Variants in IRX2 observed in about 807,000 individuals in gnomAD.
The protein encoded by IRX2 is iroquois-class homeodomain protein IRX-2.
A neutral mutation model predicts 42.9 loss-of-function variants in IRX2; 26 were observed. That is an observed-to-expected ratio of 0.61 (90% CI 0.44 to 0.84). IRX2 has a LOEUF of 0.84. Ranked by LOEUF, IRX2 falls within the 40% of genes least tolerant of loss-of-function variation. The pLI is 0.00. For synonymous variants in IRX2, 424 were observed against 353.9 expected (o/e 1.20, Z -2.22); for missense variants, 782 against 713.9 (o/e 1.10, Z -1.09).
rs1478422087 is a variant in IRX2, at chr5:2,748,618, C to A, written c.1090G>T (p.Gly364Trp). The A allele has an allele frequency of 1.3e-6, 2 of 1,503,918 alleles. No individual in the cohort carries two copies. Among genetic ancestry groups the A allele is most frequent in the Non-Finnish European group, 8.8e-7 (1 of 1,131,088 alleles). 93.2% of individuals were successfully genotyped at this position (1,503,918 alleles called of 1,614,324 possible). A position where few individuals can be genotyped will look rare whatever the true frequency, so the allele number is the denominator to read the frequency against. Residue 364 changes from glycine (G) to tryptophan (W), a missense_variant, in exon 3 of 4, where the codon GGG (glycine) becomes TGG (tryptophan). Transcript: ENST00000302057. Reference protein sequence around the residue: ...LPAAAAPASTGAPPGGSPYPA... With the variant: ...LPAAAAPASTWAPPGGSPYPA... ...TAGGGCGAGCCTCCTGGCGGTGCCC[C>A]GGTTGAGGCCGGCGCGGCGGCCGCG... is the stretch of plus-strand genomic sequence containing the variant.
chr5:2,743,323 CTT>C (rs1201342230), downstream of IRX2, among the ~76,000 whole-genome samples: 1 of 152,192 alleles, frequency 6.6e-6, no homozygotes, highest in African/African-American at 2.4e-5. Flanking sequence ...AACAATAACT[CTT>C]TTATTGGGAA....
In IRX2 at chr5:2,747,443, G is replaced by C. The variant is rs555757597; in HGVS notation, c.*121C>G. On this transcript the variant is annotated 3_prime_UTR_variant, in exon 4 of 4. Transcript: ENST00000302057. ...AAGCTGGACAAGATTGAAATGCTCT[G>C]TCTTCTAACCCCATGACCAGAAGCA... 1.1e-5 allele frequency: 8 copies of C among 743,028 alleles called. No homozygotes were observed. In the African/African-American group the frequency reaches 1.2e-4, roughly 11 times the overall value. The allele number at this position is 743,028 out of a possible 1,614,324, so 46.0% of individuals were successfully genotyped here. A position where few individuals can be genotyped will look rare whatever the true frequency, so the allele number is the denominator to read the frequency against.
chr5:2,751,525 G>C lies in IRX2; in HGVS notation c.-112C>G. 1 of 726,920 alleles carries C rather than the reference G, an allele frequency of 1.4e-6. No homozygotes were observed. The highest frequency in any genetic ancestry group is 1.7e-6 in the Non-Finnish European group (1 of 597,698). The allele number at this position is 726,920 out of a possible 1,614,324, so 45.0% of individuals were successfully genotyped here. On this transcript the variant is annotated 5_prime_UTR_variant, in exon 1 of 4. Coordinates refer to ENST00000302057, the MANE Select transcript of IRX2 (RefSeq NM_033267.5). This position sits in a 1 kb window ranked among gnomAD's most constrained non-coding sequence, Gnocchi z 4.0. ...CGCGGCGGCGGGCACCCGGACGGCC[G>C]GCGGAGGCAGGCCGGCCCGGGTACT...
the IRX2 span, chr5:2,736,764 A>G: frequency 6.6e-6 from 1 of 152,222 alleles, no homozygotes; most frequent in East Asian, 1.9e-4. Flanking sequence ...AAATCCTAAC[A>G]TTGCTACCCC....
chr5:2,751,549 C>G lies in IRX2; in HGVS notation c.-136G>C, dbSNP rs1209386405. The stretch of plus-strand genomic sequence containing the variant: ...CGGCGGAGGCAGGCCGGCCCGGGTA[C>G]TAGCCTGGGCGGCCCGCGGGCCGGG... On this transcript the variant is annotated 5_prime_UTR_variant, in exon 1 of 4. Coordinates refer to ENST00000302057, the MANE Select transcript of IRX2 (RefSeq NM_033267.5). This position sits in a 1 kb window ranked among gnomAD's most constrained non-coding sequence, Gnocchi z 4.0. 6.5e-6 allele frequency: 3 copies of G among 459,194 alleles called. No homozygotes were observed. The African/African-American group carries it at 6.6e-5, about 10-fold the overall frequency. The allele number at this position is 459,194 out of a possible 1,614,324, so 28.4% of individuals were successfully genotyped here. A position where few individuals can be genotyped will look rare whatever the true frequency, so the allele number is the denominator to read the frequency against.
At chr5:2,750,793 C>T (rs961624361) in intron 1 of IRX2, among the ~76,000 whole-genome samples, 8 of 152,212 alleles carry the variant, frequency 5.3e-5, no homozygotes, top group Non-Finnish European at 8.8e-5. Context: ...CCAATGCAGG[C>T]GAGCACACAG....
chr5:2,742,689 A>G (rs1245230479), downstream of IRX2, among the ~76,000 whole-genome samples: 2 of 152,246 alleles, frequency 1.3e-5, no homozygotes, highest in Non-Finnish European at 2.9e-5. Flanking sequence ...AAGAAAAATT[A>G]TATAGTGATA....
the IRX2 span, among the ~76,000 whole-genome samples, chr5:2,739,923 A>G: frequency 4.6e-5 from 7 of 152,036 alleles, no homozygotes; most frequent in South Asian, 1.2e-3. Context: ...ATAGGGTAGG[A>G]CCAGGAAGGG....
rs1737773231 is a variant in IRX2, at chr5:2,748,524, T to C, written c.1184A>G (p.Tyr395Cys). ...TSPFYGNYTN[Y>C]GNLNAALQGQ... ...CTGCAGCGCCGCGTTCAAGTTCCCG[T>C]AGTTTGTGTAGTTGCCGTAGAAGGG... is the stretch of plus-strand genomic sequence containing the variant. Residue 395 changes from tyrosine to cysteine, a missense_variant, in exon 3 of 4, where the codon TAC becomes TGC. Coordinates refer to ENST00000302057, the MANE Select transcript of IRX2 (RefSeq NM_033267.5). The C allele has an allele frequency of 1.3e-6, 2 of 1,579,920 alleles. No individual in the cohort carries two copies. Among genetic ancestry groups the C allele is most frequent in the Admixed American group, 1.8e-5 (1 of 56,724 alleles).
intron 1 of IRX2, among the ~76,000 whole-genome samples, chr5:2,750,149 C>A (rs1010355054): frequency 7.2e-5 from 11 of 152,054 alleles, no homozygotes; most frequent in Non-Finnish European, 1.5e-4. Flanking sequence ...GCTTGGAGTG[C>A]GGCTGCCTCC....
Position 2,747,105 on chromosome 5 carries a change from T to C in IRX2, c.*459A>G, listed in dbSNP as rs562257801. 6.6e-6 allele frequency: 1 copy of C among 152,238 alleles called. No individual in the cohort carries two copies. Among genetic ancestry groups the C allele is most frequent in the African/African-American group, 2.4e-5 (1 of 41,552 alleles). The allele number at this position is 152,238 out of a possible 1,614,324, so 9.4% of individuals were successfully genotyped here. A position where few individuals can be genotyped will look rare whatever the true frequency, so the allele number is the denominator to read the frequency against. On this transcript the variant is annotated 3_prime_UTR_variant, in exon 4 of 4. Coordinates refer to ENST00000302057, the MANE Select transcript of IRX2 (RefSeq NM_033267.5). ...AGGTTTTTGCTACTCCAAGTTTTGG[T>C]AGCCCAAGCTCATCAAAGCATGTGT...
At chr5:2,740,203 T>G in the IRX2 span, among the ~76,000 whole-genome samples, 2 of 150,498 alleles carry the variant, frequency 1.3e-5, no homozygotes, top group African/African-American at 4.9e-5. Flanking sequence ...GTCCTGCCCA[T>G]CAGGCTGACT....
chr5:2,745,749 G>T (rs1055508466), downstream of IRX2: 1 of 152,064 alleles, frequency 6.6e-6, no homozygotes, highest in Admixed American at 6.5e-5. Flanking sequence ...TAATTTATTG[G>T]TGGGGGGGTG....
At chr5:2,741,362 T>C (rs1241060764), downstream of IRX2, among the ~76,000 whole-genome samples, 1 of 151,994 alleles carries the variant, frequency 6.6e-6, no homozygotes, top group Non-Finnish European at 1.5e-5. Context: ...ATTTTCCCCT[T>C]TTCCTCTGGA....
At chr5:2,740,819 A>G in the IRX2 span, among the ~76,000 whole-genome samples, 1 of 152,178 alleles carries the variant, frequency 6.6e-6, no homozygotes, top group East Asian at 1.9e-4. Flanking sequence ...CAGCACTGGG[A>G]AGGCGACAGC....
downstream of IRX2, among the ~76,000 whole-genome samples, chr5:2,743,398 C>A (rs935894399): frequency 2.0e-5 from 3 of 152,172 alleles, no homozygotes; most frequent in Non-Finnish European, 2.9e-5. Context: ...GCAAGCGCCC[C>A]GGTGCTCTCG....
chr5:2,736,537 C>A, the IRX2 span: 675 of 152,140 alleles, frequency 4.4e-3, 4 homozygotes, highest in African/African-American at 0.015. Context: ...ATTTTTATTT[C>A]TTACATTTGA....
intron 2 of IRX2, 128 bp from the exon 3 acceptor site, chr5:2,749,180 GTGACAGGCGGAGCC>G: frequency 2.7e-6 from 4 of 1,476,172 alleles, no homozygotes; most frequent in Non-Finnish European, 3.6e-6. Flanking sequence ...ACCCGGCCAC[GTGACAGGCGGAGCC>G]TGACCTCCCC....
intron 3 of IRX2, 143 bp downstream of exon 3, chr5:2,748,202 G>A: frequency 1.5e-6 from 1 of 659,674 alleles, no homozygotes; most frequent in Non-Finnish European, 2.3e-6. Context: ...CTCGCCCTCC[G>A]CCCTCACTCT....
Sources: gnomAD v4.1 joint callset for allele counts (sites outside exome capture counted in the v4.1 genomes callset) on GRCh38, gnomAD v4.1.1 for gene constraint, Gnocchi (gnomAD v3.1) non-coding constraint, MANE v1.5 for transcripts, NCBI Gene and HGNC (gene_info 2026-07-23, HGNC 2026-07-21) for gene names.